Variants in MAPK6 observed in about 807,000 individuals in gnomAD.
MAPK6 encodes the protein ERK-3.
Under a neutral mutation model 59.3 loss-of-function variants are expected in MAPK6, and 19 were observed. That is an observed-to-expected ratio of 0.32 (90% confidence interval 0.22 to 0.47). MAPK6 has a LOEUF of 0.47. MAPK6 is among the 20% of genes least tolerant of loss of function. The pLI is 1.00. For synonymous variants in MAPK6, 316 were observed against 290.3 expected (o/e 1.09, Z -0.90); for missense variants, 724 against 847.9 (o/e 0.85, Z 1.81).
Position 52,046,895 on chromosome 15 carries a change from T to C in MAPK6, c.435T>C (p.Ser145=), listed in dbSNP as rs1422292297. The part of the protein sequence containing the change: ...QLLRGLKYIH[S]ANVLHRDLKP... ...TACGGGGGCTCAAGTATATTCACTC[T>C]GCAAATGTACTGCACAGAGATCTCA... The change falls in exon 2 of 6, where the codon TCT becomes TCC. Residue 145 remains serine (S), a synonymous_variant. Transcript: ENST00000261845. 1 of 1,614,062 alleles carries C rather than the reference T, an allele frequency of 6.2e-7. No individual in the cohort carries two copies. Among genetic ancestry groups the C allele is most frequent in the Non-Finnish European group, 8.5e-7 (1 of 1,179,978 alleles).
intron 1 of MAPK6, among the ~76,000 whole-genome samples, chr15:52,031,964 G>A (rs987524307): frequency 1.3e-5 from 2 of 151,256 alleles, no homozygotes; most frequent in African/African-American, 2.4e-5. Context: ...ACAGTGACAC[G>A]ATCTCGGCTC....
intron 1 of MAPK6, among the ~76,000 whole-genome samples, chr15:51,981,465 C>A (rs2057173099): frequency 7.0e-6 from 1 of 143,030 alleles, no homozygotes; most frequent in African/African-American, 2.5e-5. Flanking sequence ...GAGCGAGACT[C>A]CGTCTCAAAA....
At chr15:52,002,381 G>A (rs772706088) in intron 2 of MAPK6, among the ~76,000 whole-genome samples, 1 of 152,204 alleles carries the variant, frequency 6.6e-6, no homozygotes, top group Admixed American at 6.5e-5. Flanking sequence ...AGGTGGATGA[G>A]TGACCCAGTT....
intron 1 of MAPK6, among the ~76,000 whole-genome samples, chr15:52,043,917 A>G (rs2031516072): frequency 6.6e-6 from 1 of 151,750 alleles, no homozygotes; most frequent in African/African-American, 2.4e-5. Flanking sequence ...CTGGGACTAC[A>G]GGCATGCGCC....
chr15:52,012,378 A>AC (rs1469346826), intron 3 of MAPK6, among the ~76,000 whole-genome samples: 1 of 152,024 alleles, frequency 6.6e-6, no homozygotes, highest in Non-Finnish European at 1.5e-5. Context: ...TAGGTGTGGT[A>AC]CCCCCTGGGA....
At chr15:52,025,935 G>GTACA (rs2030755945) in intron 1 of MAPK6, among the ~76,000 whole-genome samples, 1 of 152,098 alleles carries the variant, frequency 6.6e-6, no homozygotes, top group African/African-American at 2.4e-5. Context: ...GTACAAATTG[G>GTACA]AGAGAGAGTA....
intron 1 of MAPK6, among the ~76,000 whole-genome samples, chr15:51,979,164 G>A (rs2057165664): frequency 6.8e-6 from 1 of 148,098 alleles, no homozygotes; most frequent in African/African-American, 2.5e-5. Context: ...GGAAGAGAAG[G>A]AAGGAAAGGA....
rs2057214156 is a variant in MAPK6 at position 51,992,899 on chromosome 15, A to G, written c.-770+9584A>G. Among the ~76,000 whole-genome samples, 2 of 151,952 alleles carry G rather than the reference A, an allele frequency of 1.3e-5. 1 individual carries two copies. The highest frequency in any genetic ancestry group is 4.2e-4 in the South Asian group (2 of 4,818). Reference sequence around the variant, plus strand: ...CCTCTGGGAGCACCTCCCTCCAGGAACCTCCACGTGTTCACTTATCTGGAA... The same window carrying G: ...CCTCTGGGAGCACCTCCCTCCAGGAGCCTCCACGTGTTCACTTATCTGGAA... On this transcript the variant is annotated intron_variant, in intron 2 of 7. Transcript: ENST00000691380.
rs71130112 is a variant in MAPK6 at position 51,984,447 on chromosome 15, A to ATTTTTTTTTTTTT, written c.-770+1149_-770+1161dup. Among the ~76,000 whole-genome samples, 49 of 69,976 alleles carry ATTTTTTTTTTTTT rather than the reference A, an allele frequency of 7.0e-4. 1 individual carries two copies. Among genetic ancestry groups the ATTTTTTTTTTTTT allele is most frequent in the African/African-American group, 2.7e-3 (41 of 15,088 alleles). 45.9% of individuals were successfully genotyped at this position (69,976 alleles called of 152,430 possible). On this transcript the variant is annotated intron_variant, in intron 2 of 7. Transcript: ENST00000691380. The stretch of plus-strand genomic sequence containing the variant: ...CAGGCGCCTGCCAACACGCCGGCTA[A>ATTTTTTTTTTTTT]TTTTTTTTTTTTTTTTTTTTTTTTT...
intron 1 of MAPK6, among the ~76,000 whole-genome samples, chr15:52,039,544 C>T (rs1296802233): frequency 1.7e-5 from 2 of 119,822 alleles, no homozygotes; most frequent in Admixed American, 1.1e-4. Context: ...AAGACAGGGT[C>T]TCACTCTGTT....
chr15:52,041,938 TA>T (rs1171134322), intron 1 of MAPK6, among the ~76,000 whole-genome samples: 2 of 152,250 alleles, frequency 1.3e-5, no homozygotes, highest in Non-Finnish European at 2.9e-5. Flanking sequence ...AGTCACATGA[TA>T]AACTCCATGA....
intron 1 of MAPK6, among the ~76,000 whole-genome samples, chr15:51,975,185 G>A (rs1281015929): frequency 1.3e-5 from 2 of 151,818 alleles, no homozygotes; most frequent in Non-Finnish European, 2.9e-5. Context: ...GATTCAATGA[G>A]GTTGAGTACA....
rs751158711 is a variant in MAPK6 at position 52,058,814 on chromosome 15, G to A, written c.865+17G>A. On this transcript the variant is annotated intron_variant, in intron 4 of 5. Coordinates refer to ENST00000261845, the MANE Select transcript of MAPK6 (RefSeq NM_002748.4). The stretch of plus-strand genomic sequence containing the variant: ...GTCGAGAAGGTATTGTGACTCGAGA[G>A]TAACCCTCACGTTAATGCCTGTGTG... The A allele has an allele frequency of 1.9e-6, 3 of 1,598,946 alleles. No homozygotes were observed. The South Asian group carries it at 3.4e-5, about 18-fold the overall frequency.
intron 1 of MAPK6, among the ~76,000 whole-genome samples, chr15:51,977,339 T>C (rs1415843534): frequency 6.6e-6 from 1 of 151,620 alleles, no homozygotes; most frequent in Non-Finnish European, 1.5e-5. Context: ...CAAACTATCA[T>C]TAAATAAAGG....
intron 1 of MAPK6, among the ~76,000 whole-genome samples, chr15:51,972,738 C>T (rs976700567): frequency 2.9e-4 from 44 of 150,772 alleles, no homozygotes; most frequent in African/African-American, 1.0e-3. Context: ...AGGAGAATGG[C>T]GTGAACCCAG....
intron 1 of MAPK6, among the ~76,000 whole-genome samples, chr15:52,022,710 A>G (rs1184283639): frequency 6.6e-6 from 1 of 152,220 alleles, no homozygotes; most frequent in Non-Finnish European, 1.5e-5. Context: ...ATACAAATAT[A>G]AAAGTATTGA....
chr15:52,035,894 T>C (rs1227391423), intron 1 of MAPK6, among the ~76,000 whole-genome samples: 1 of 152,206 alleles, frequency 6.6e-6, no homozygotes, highest in African/African-American at 2.4e-5. Flanking sequence ...TAGATTTCTT[T>C]ACATGCTTAG....
intron 3 of MAPK6, among the ~76,000 whole-genome samples, chr15:52,012,758 G>A (rs991822752): frequency 1.3e-5 from 2 of 151,694 alleles, no homozygotes; most frequent in Non-Finnish European, 2.9e-5. Flanking sequence ...GGAGGCCGAG[G>A]TGGGCGGATC....
chr15:52,045,260 T>G (rs1392687503), intron 1 of MAPK6, among the ~76,000 whole-genome samples: 1 of 152,234 alleles, frequency 6.6e-6, no homozygotes, highest in Non-Finnish European at 1.5e-5. Flanking sequence ...TTTTTCAATC[T>G]GAAATGTTCT....
Sources: gnomAD v4.1 joint callset for allele counts (sites outside exome capture counted in the v4.1 genomes callset) on GRCh38, gnomAD v4.1.1 for gene constraint, MANE v1.5 for transcripts, NCBI Gene and HGNC (gene_info 2026-07-23, HGNC 2026-07-21) for gene names.